CSMD1: variants seen among roughly 807,000 people sequenced by gnomAD.
The protein encoded by CSMD1 is CUB and sushi domain-containing protein 1.
A neutral mutation model predicts 417.5 loss-of-function variants in CSMD1; 213 were observed. The ratio of observed to expected loss-of-function variants is 0.51; its 90% confidence interval spans 0.46 to 0.57. CSMD1 has a LOEUF of 0.57. CSMD1 is among the 20% of genes least tolerant of loss of function. The probability of loss-of-function intolerance (pLI) is 0.00; values close to 1 mark genes in which losing one functional copy is unlikely to be tolerated. For missense variants in CSMD1, 6,923 were observed against 4,529.7 expected (o/e 1.53, Z -15.17); for synonymous variants, 2,862 against 1,736.8 (o/e 1.65, Z -16.11).
At chr8:3,984,151 T>C (rs2130216505) in intron 5 of CSMD1, among the ~76,000 whole-genome samples, 1 of 152,244 alleles carries the variant, frequency 6.6e-6, no homozygotes, top group South Asian at 2.1e-4. Flanking sequence ...CAATTGCAGC[T>C]CTAGAGCACA....
At chr8:4,486,246 CATACATATATATATATAT>C (rs1801406865) in intron 2 of CSMD1, among the ~76,000 whole-genome samples, 1 of 10,264 alleles carries the variant, frequency 9.7e-5, no homozygotes, top group African/African-American at 3.9e-4. Context: ...TATATATATA[CATACATATATATATATAT>C]ATATATATAT....
At position 4,358,416 on chromosome 8, in the gene CSMD1, T is replaced by C. The variant is rs192955315; in HGVS notation, c.415+61537A>G. On this transcript the variant is annotated intron_variant, in intron 3 of 69. Coordinates refer to ENST00000635120, the MANE Select transcript of CSMD1 (RefSeq NM_033225.6). ...GACTGTTTCGTGACACGTGAAAATATATGAAATTCAAATTTCAGTGTCCAC... is the reference window on the plus strand; with the variant it reads ...GACTGTTTCGTGACACGTGAAAATACATGAAATTCAAATTTCAGTGTCCAC... Among the ~76,000 whole-genome samples, 391 of 152,320 alleles carry C rather than the reference T, an allele frequency of 2.6e-3. 6 individuals are homozygous for C. The highest frequency in any genetic ancestry group is 8.6e-3 in the African/African-American group (358 of 41,582).
At chr8:3,684,178 GT>G (rs1381639354) in intron 7 of CSMD1, among the ~76,000 whole-genome samples, 1 of 128,224 alleles carries the variant, frequency 7.8e-6, no homozygotes, top group Non-Finnish European at 1.6e-5. Flanking sequence ...ATATTTACAT[GT>G]TACATGTAAT....
chr8:4,223,821 G>C (rs758341105), intron 3 of CSMD1, among the ~76,000 whole-genome samples: 17 of 151,696 alleles, frequency 1.1e-4, no homozygotes, highest in Non-Finnish European at 1.8e-4. Flanking sequence ...CAGTGAAACT[G>C]TTTTCTTTTT....
At chr8:3,906,926 C>T (rs375832603) in intron 5 of CSMD1, among the ~76,000 whole-genome samples, 1 of 152,160 alleles carries the variant, frequency 6.6e-6, no homozygotes, top group African/African-American at 2.4e-5. Context: ...ACAAGTGAAC[C>T]TTACCCATCA....
intron 10 of CSMD1, among the ~76,000 whole-genome samples, chr8:3,503,840 C>A (rs146612136): frequency 2.0e-5 from 3 of 146,708 alleles, no homozygotes; most frequent in Admixed American, 6.8e-5. Context: ...CTTGCCCCCC[C>A]CCAACCCCCA....
intron 1 of CSMD1, among the ~76,000 whole-genome samples, chr8:4,751,910 G>C (rs967197089): frequency 4.0e-4 from 61 of 152,158 alleles, no homozygotes; most frequent in African/African-American, 1.4e-3. Flanking sequence ...TAAAGTGTTA[G>C]TTCCAGAGTC....
At position 3,307,716 on chromosome 8, in the gene CSMD1, G is replaced by C. The variant is rs770657699; in HGVS notation, c.3929C>G (p.Ala1310Gly). 3.1e-6 allele frequency: 5 copies of C among 1,613,456 alleles called. No homozygotes were observed. The African/African-American group carries it at 6.7e-5, about 22-fold the overall frequency. ...NNLHCTWIIEADPGKTISLHF... is the reference protein window; with the variant it reads ...NNLHCTWIIEGDPGKTISLHF... ...GTACCTAATGGTCTTTCCTGGGTCT[G>C]CCTCTATAATCCAGGTGCAGTGGAG... The change falls in exon 25 of 70, where the codon GCA (alanine) becomes GGA (glycine). Residue 1310 changes from alanine to glycine, a missense_variant. Ala to Gly is a moderately conservative substitution (Grantham distance 60, BLOSUM62 0). Coordinates refer to ENST00000635120, the MANE Select transcript of CSMD1 (RefSeq NM_033225.6).
In CSMD1 at chr8:3,238,507, G is replaced by C. The variant is rs1490472318; in HGVS notation, c.4154-8276C>G. On this transcript the variant is annotated intron_variant, in intron 26 of 69. Transcript: ENST00000635120. ...GTGGTATGGAGACATAATGGGCGAT[G>C]TTTCTCAGGGCTGCTTGGAGCGAGA... 3.3e-5 allele frequency among the ~76,000 whole-genome samples: 5 copies of C among 152,232 alleles called. No individual in the cohort carries two copies. The South Asian group carries it at 1.0e-3, about 32-fold the overall frequency.
At chr8:4,023,698 T>G (rs758302603) in intron 4 of CSMD1, among the ~76,000 whole-genome samples, 2 of 148,880 alleles carry the variant, frequency 1.3e-5, no homozygotes, top group African/African-American at 4.9e-5. Context: ...GCCATTCTCC[T>G]GCCTCAGCCT....
intron 17 of CSMD1, among the ~76,000 whole-genome samples, chr8:3,390,329 T>C (rs113494176): frequency 8.5e-6 from 1 of 118,060 alleles, no homozygotes; most frequent in Non-Finnish European, 1.6e-5. Flanking sequence ...CATTCCAGCC[T>C]GGGCGACAGA....
In CSMD1 at chr8:4,719,044, T is replaced by C. The variant is rs116509904; in HGVS notation, c.86-81486A>G. 5.1e-3 allele frequency among the ~76,000 whole-genome samples: 770 copies of C among 152,246 alleles called. 9 individuals are homozygous for C. Among genetic ancestry groups the C allele is most frequent in the African/African-American group, 0.016 (681 of 41,572 alleles). ...ACTGAAGTTTATATTATGTTTTCAC[T>C]GGTGAAGAAAAAAAAGAGAGAGAGC... On this transcript the variant is annotated intron_variant, in intron 1 of 69. Transcript: ENST00000635120.
At chr8:4,905,004 T>A (rs893686331) in intron 1 of CSMD1, among the ~76,000 whole-genome samples, 1 of 152,154 alleles carries the variant, frequency 6.6e-6, no homozygotes, top group Non-Finnish European at 1.5e-5. Flanking sequence ...TATTACTCAC[T>A]CTAAGGTAGT....
chr8:3,494,049 A>G (rs532321456), intron 10 of CSMD1, among the ~76,000 whole-genome samples: 33 of 152,230 alleles, frequency 2.2e-4, no homozygotes, highest in Non-Finnish European at 4.1e-4. Flanking sequence ...AACTAAATCA[A>G]TATTAGCAAA....
intron 1 of CSMD1, among the ~76,000 whole-genome samples, chr8:4,967,091 C>G (rs1041434497): frequency 7.9e-5 from 12 of 152,212 alleles, no homozygotes; most frequent in African/African-American, 2.9e-4. Flanking sequence ...TTTGAAATGT[C>G]TGAGCAGATA....
chr8:3,324,689 C>G (rs146863559), intron 23 of CSMD1, among the ~76,000 whole-genome samples: 1 of 151,030 alleles, frequency 6.6e-6, no homozygotes, highest in Non-Finnish European at 1.5e-5. Flanking sequence ...CCCCACTTTT[C>G]GTCACTGTTA....
At chr8:3,094,801 A>AC (rs1491571817) in intron 47 of CSMD1, among the ~76,000 whole-genome samples, 1 of 23,328 alleles carries the variant, frequency 4.3e-5, no homozygotes, top group East Asian at 1.9e-3. Context: ...CCCGTCTTAC[A>AC]AAAAAAAAAA....
chr8:4,920,185 G>T (rs2117135333), intron 1 of CSMD1, among the ~76,000 whole-genome samples: 1 of 152,194 alleles, frequency 6.6e-6, no homozygotes, highest in South Asian at 2.1e-4. Context: ...TTTTCTAAGA[G>T]TCTTATGCTA....
intron 1 of CSMD1, among the ~76,000 whole-genome samples, chr8:4,832,549 A>G (rs1325657083): frequency 6.6e-6 from 1 of 152,204 alleles, no homozygotes; most frequent in Non-Finnish European, 1.5e-5. Context: ...GAGGTATGCA[A>G]GGTTTTACAG....
Sources: gnomAD v4.1 joint callset for allele counts (sites outside exome capture counted in the v4.1 genomes callset) on GRCh38, gnomAD v4.1.1 for gene constraint, MANE v1.5 for transcripts, NCBI Gene and HGNC (gene_info 2026-07-23, HGNC 2026-07-21) for gene names.